The following ZMYM5 variants were observed in gnomAD, a reference collection of about 807,000 sequenced individuals.
ZMYM5 encodes zinc finger MYM-type protein 5.
In ZMYM5, 41 loss-of-function variants were observed where a neutral mutation model predicts 61.8. The ratio of observed to expected loss-of-function variants is 0.66; its 90% CI spans 0.52 to 0.86. The LOEUF is 0.86. Among genes scored for constraint, ZMYM5 ranks in the 40% least tolerant of loss-of-function variants. The pLI is 0.00. For missense variants in ZMYM5, 706 were observed against 786.7 expected, an observed-to-expected ratio of 0.90 and a Z score of 1.23; for synonymous variants, 257 against 276.4, an observed-to-expected ratio of 0.93 and a Z score of 0.70.
At chr13:19,844,974 T>G (rs1953025035) in intron 4 of ZMYM5, among the ~76,000 whole-genome samples, 1 of 152,220 alleles carries the variant, frequency 6.6e-6, no homozygotes, top group Non-Finnish European at 1.5e-5. Context: ...GGGGGAATTT[T>G]GTATTAACCA....
rs376358366 is a variant in ZMYM5 at position 19,851,517 on chromosome 13, C to T, written c.493-69G>A. The T allele has an allele frequency of 1.5e-5, 24 of 1,572,120 alleles. No homozygotes were observed. In the African/African-American group the frequency reaches 2.4e-4, roughly 16 times the overall value. Reference sequence around the variant, plus strand: ...AAATTACTTGACTGAAGTCCTTTAGCGACATCTCCCAAGTTGGTATTCTAT... The same window carrying T: ...AAATTACTTGACTGAAGTCCTTTAGTGACATCTCCCAAGTTGGTATTCTAT... On this transcript the variant is annotated intron_variant, in intron 3 of 7. Coordinates refer to ENST00000337963, the MANE Select transcript of ZMYM5 (RefSeq NM_001142684.2).
At chr13:19,863,171 C>T (rs1435785963) in intron 1 of ZMYM5, among the ~76,000 whole-genome samples, 1 of 151,606 alleles carries the variant, frequency 6.6e-6, no homozygotes, top group Non-Finnish European at 1.5e-5. Context: ...GCCCCGCGAC[C>T]TCCCCGGGCG....
intron 7 of ZMYM5, among the ~76,000 whole-genome samples, chr13:19,826,757 T>TAA (rs34298303): frequency 1.3e-3 from 173 of 128,762 alleles, no homozygotes; most frequent in African/African-American, 3.4e-3. Flanking sequence ...TCCGTCTCGT[T>TAA]AAAAAAAAAA....
chr13:19,863,318 G>T (rs1335134566), intron 1 of ZMYM5, 132 bp downstream of exon 1: 5 of 152,078 alleles, frequency 3.3e-5, no homozygotes, highest in Non-Finnish European at 7.3e-5. Context: ...GCCGGTGACA[G>T]GAGGGCAGCC....
chr13:19,835,418 A>G, intron 7 of ZMYM5, 59 bp downstream of exon 7: 2 of 1,151,158 alleles, frequency 1.7e-6, no homozygotes, highest in Non-Finnish European at 2.4e-6. Context: ...GGTTCATGTA[A>G]GATGTAAGGG....
intron 2 of ZMYM5, among the ~76,000 whole-genome samples, chr13:19,858,437 T>TAGCC (rs1377595940): frequency 1.3e-5 from 2 of 150,910 alleles, no homozygotes; most frequent in African/African-American, 4.9e-5. Flanking sequence ...ATACAAAAAT[T>TAGCC]AGCCAGGCAT....
In ZMYM5 at chr13:19,837,466, C is replaced by T; in HGVS notation, c.1038+190G>A. On this transcript the variant is annotated intron_variant, in intron 6 of 7. Coordinates refer to ENST00000337963, the MANE Select transcript of ZMYM5 (RefSeq NM_001142684.2). ...TAGAAACAGATGTGTACTTTCCATG[C>T]TATGCAAATGGAATTTTATTTATAA... The T allele has an allele frequency of 1.9e-6, 3 of 1,572,284 alleles. No individual in the cohort carries two copies. In the South Asian group the frequency reaches 3.6e-5, roughly 19 times the overall value.
chr13:19,858,192 T>A, intron 2 of ZMYM5, among the ~76,000 whole-genome samples: 1 of 145,786 alleles, frequency 6.9e-6, no homozygotes. Flanking sequence ...GTTAGACCTG[T>A]CTCTAAAAAT....
intron 3 of ZMYM5, 99 bp from the exon 4 acceptor site, chr13:19,851,547 A>G: frequency 1.3e-6 from 2 of 1,543,874 alleles, no homozygotes; most frequent in Non-Finnish European, 1.8e-6. Context: ...TTCTATAGTG[A>G]TGTTTTATAT....
At chr13:19,863,190 C>CCCCG (rs1953841519) in intron 1 of ZMYM5, among the ~76,000 whole-genome samples, 5 of 151,228 alleles carry the variant, frequency 3.3e-5, no homozygotes, top group Non-Finnish European at 7.4e-5. Context: ...CGGCCGGCAA[C>CCCCG]CCGCCCCGCC....
At chr13:19,854,096 G>A (rs1329091426) in intron 2 of ZMYM5, among the ~76,000 whole-genome samples, 8 of 152,114 alleles carry the variant, frequency 5.3e-5, no homozygotes, top group African/African-American at 9.6e-5. Context: ...TGCAACCTCC[G>A]CCTCCTGGGT....
At chr13:19,845,043 C>T (rs1953028063) in intron 4 of ZMYM5, among the ~76,000 whole-genome samples, 1 of 152,076 alleles carries the variant, frequency 6.6e-6, no homozygotes, top group South Asian at 2.1e-4. Context: ...AAAAACTTTT[C>T]AAGAAAATAA....
chr13:19,860,939 T>TGG (rs1953732742), intron 2 of ZMYM5, among the ~76,000 whole-genome samples: 1 of 134,652 alleles, frequency 7.4e-6, no homozygotes, highest in African/African-American at 3.0e-5. Context: ...TGCGCACGTG[T>TGG]GTGTGTGTGT....
At chr13:19,860,935 CGTGTGTGTGTGT>C (rs10690639) in intron 2 of ZMYM5, among the ~76,000 whole-genome samples, 2 of 136,832 alleles carry the variant, frequency 1.5e-5, no homozygotes, top group African/African-American at 2.7e-5. Flanking sequence ...TATATGCGCA[CGTGTGTGTGTGT>C]GTGTGTGTGT....
chr13:19,824,481 G>A lies in ZMYM5; in HGVS notation c.2006C>T (p.Thr669Met), dbSNP rs370969778. The A allele has an allele frequency of 7.3e-5, 95 of 1,294,974 alleles. 1 individual carries two copies. The highest frequency in any genetic ancestry group is 8.6e-5 in the Non-Finnish European group (85 of 993,854). The allele number at this position is 1,294,974 out of a possible 1,614,324, so 80.2% of individuals were successfully genotyped here. Residue 669 changes from threonine to methionine, a missense_variant, in exon 8 of 8, where the codon ACG (threonine) becomes ATG (methionine). Physicochemically the swap from Thr to Met is moderately conservative, Grantham distance 81. Transcript: ENST00000337963. ...EKNDGVLLLY[T>M] is the part of the protein sequence containing the mutation. ...CCAAAAAACAACTCAGGTATATTAC[G>A]TGTACAACAACAGCACACCATCATT...
intron 4 of ZMYM5, among the ~76,000 whole-genome samples, chr13:19,845,660 A>G (rs1332390747): frequency 1.3e-5 from 2 of 152,208 alleles, no homozygotes; most frequent in Non-Finnish European, 2.9e-5. Context: ...GAAAAGCTCT[A>G]TATTTACATT....
At position 19,824,578 on chromosome 13, in the gene ZMYM5, T is replaced by C; in HGVS notation, c.1909A>G (p.Lys637Glu). The C allele has an allele frequency of 7.6e-7, 1 of 1,315,816 alleles. No homozygotes were observed. Among genetic ancestry groups the C allele is most frequent in the South Asian group, 1.3e-5 (1 of 79,652 alleles). 81.5% of individuals were successfully genotyped at this position (1,315,816 alleles called of 1,614,324 possible). ...TTTTTTTTCAGATCAGATTTTAATT[T>C]TGAGTACTTAACACTATTGTTGACG... ...MHVNNSVKYS[K>E]LKSDLKKNKA... Residue 637 changes from lysine to glutamate, a missense_variant, in exon 8 of 8, where the codon AAA becomes GAA. By Grantham distance (56) the Lys-to-Glu change is moderately conservative. This residue lies in a region of ZMYM5 where 226 missense variants were observed against 325.0 expected (regional missense o/e 0.70). Coordinates refer to ENST00000337963, the MANE Select transcript of ZMYM5 (RefSeq NM_001142684.2).
chr13:19,863,176 C>T (rs537887931), intron 1 of ZMYM5, among the ~76,000 whole-genome samples: 3 of 151,600 alleles, frequency 2.0e-5, no homozygotes, highest in Non-Finnish European at 4.4e-5. Context: ...GCGACCTCCC[C>T]GGGCGGCCGG....
intron 7 of ZMYM5, among the ~76,000 whole-genome samples, chr13:19,825,634 G>C (rs943579310): frequency 4.0e-5 from 6 of 150,396 alleles, no homozygotes; most frequent in Non-Finnish European, 5.9e-5. Flanking sequence ...GCGAAAGAGT[G>C]AGACCCTGTC....
Sources: gnomAD v4.1 joint callset for allele counts (sites outside exome capture counted in the v4.1 genomes callset) on GRCh38, gnomAD v4.1.1 for gene constraint, gnomAD v4.1.1 regional missense constraint, MANE v1.5 for transcripts, NCBI Gene and HGNC (gene_info 2026-07-23, HGNC 2026-07-21) for gene names.